RAB8A: variants seen among roughly 807,000 people sequenced by gnomAD.
RAB8A encodes the protein RAB8A, member RAS oncogene family, also known as ras-related protein Rab-8A.
A neutral mutation model predicts 29.2 loss-of-function variants in RAB8A; 5 were observed. The observed-to-expected ratio is 0.17, with a 90% CI of 0.09 to 0.36. The LOEUF (loss-of-function observed/expected upper bound fraction) is 0.36. Among genes scored for constraint, RAB8A ranks in the 10% least tolerant of loss-of-function variants. The probability of loss-of-function intolerance (pLI) is 1.00; values close to 1 mark genes in which losing one functional copy is unlikely to be tolerated. For synonymous variants in RAB8A, 108 were observed against 99.9 expected, an observed-to-expected ratio of 1.08 and a Z score of -0.49; for missense variants, 171 against 272.2, an observed-to-expected ratio of 0.63 and a Z score of 2.62.
At chr19:16,116,489 T>C (rs139774315) in intron 1 of RAB8A, among the ~76,000 whole-genome samples, 118 of 152,270 alleles carry the variant, frequency 7.7e-4, no homozygotes, top group African/African-American at 2.8e-3. Flanking sequence ...TCCACAACCA[T>C]CACCACAGGC....
chr19:16,111,985 C>T lies in RAB8A; in HGVS notation c.84C>T (p.Phe28=). 4 of 1,614,048 alleles carry T rather than the reference C, an allele frequency of 2.5e-6. No homozygotes were observed. The highest frequency in any genetic ancestry group is 3.4e-6 in the Non-Finnish European group (4 of 1,179,904). ...GGAAGACCTGTGTCCTGTTCCGCTT[C>T]TCCGAGGACGCCTTCAACTCCACTT... ...GVGKTCVLFR[F]SEDAFNSTFI... Residue 28 remains phenylalanine, a synonymous_variant, in exon 1 of 8, where the codon TTC becomes TTT. Coordinates refer to ENST00000300935, the MANE Select transcript of RAB8A (RefSeq NM_005370.5).
intron 2 of RAB8A, among the ~76,000 whole-genome samples, chr19:16,118,814 G>GA (rs2090859092): frequency 6.6e-6 from 1 of 152,216 alleles, no homozygotes; most frequent in South Asian, 2.1e-4. Flanking sequence ...CCCATGTTGA[G>GA]ACCTGTTTCC....
At chr19:16,120,065 G>A (rs1048285686) in intron 2 of RAB8A, among the ~76,000 whole-genome samples, 10 of 152,078 alleles carry the variant, frequency 6.6e-5, no homozygotes, top group Admixed American at 2.6e-4. Context: ...CACCCGCCTC[G>A]GCCTCCCAAA....
rs2090944383 is a variant in RAB8A, at chr19:16,134,223, G to C, written c.*1919G>C. The C allele has an allele frequency of 6.6e-6, 1 of 152,232 alleles. No homozygotes were observed. The allele number at this position is 152,232 out of a possible 1,614,324, so 9.4% of individuals were successfully genotyped here. On this transcript the variant is annotated 3_prime_UTR_variant, in exon 8 of 8. Transcript: ENST00000300935. The stretch of plus-strand genomic sequence containing the variant: ...CCATGCTTAACTCCCCCAACAATGA[G>C]TTGTAACAACAGGTGTGTAATGTGT...
chr19:16,116,277 A>G (rs1313136041), intron 1 of RAB8A, among the ~76,000 whole-genome samples: 1 of 152,208 alleles, frequency 6.6e-6, no homozygotes. Context: ...AGAGCAGGTC[A>G]TGAGCCAGAG....
intron 1 of RAB8A, 84 bp from the exon 2 acceptor site, chr19:16,118,142 C>T (rs571007613): frequency 1.7e-6 from 2 of 1,207,496 alleles, no homozygotes; most frequent in East Asian, 4.7e-5. Context: ...ACAGCTGTCA[C>T]CTGCACAGGT....
In RAB8A at chr19:16,132,105, GA is replaced by G. The variant is rs1431755997; in HGVS notation, c.532-106del. On this transcript the variant is annotated intron_variant, in intron 7 of 7. Coordinates refer to ENST00000300935, the MANE Select transcript of RAB8A (RefSeq NM_005370.5). This position sits in a 1 kb window ranked among gnomAD's most constrained non-coding sequence, Gnocchi z 5.6. ...GGTTGGTTGGTTGGTTGGTTGGTTG[GA>G]TGGTTGGATGGATGGTTAGGTGGAT... 23 of 880,072 alleles carry G rather than the reference GA, an allele frequency of 2.6e-5. No homozygotes were observed. The highest frequency in any genetic ancestry group is 4.0e-5 in the Non-Finnish European group (22 of 547,948). 54.5% of individuals were successfully genotyped at this position (880,072 alleles called of 1,614,324 possible).
rs761180426 is a variant in RAB8A, at chr19:16,111,961, G to A, written c.60G>A (p.Gly20=). 3 of 1,614,076 alleles carry A rather than the reference G, an allele frequency of 1.9e-6. No individual in the cohort carries two copies. Among genetic ancestry groups the A allele is most frequent in the Non-Finnish European group, 8.5e-7 (1 of 1,179,900 alleles). Residue 20 remains glycine (G), a synonymous_variant, in exon 1 of 8, where the codon GGG becomes GGA. Coordinates refer to ENST00000300935, the MANE Select transcript of RAB8A (RefSeq NM_005370.5). The part of the protein sequence containing the change: ...KLLLIGDSGV[G]KTCVLFRFSE... ...TGCTGATCGGGGACTCGGGGGTGGGGAAGACCTGTGTCCTGTTCCGCTTCT... is the reference window on the plus strand; with the variant it reads ...TGCTGATCGGGGACTCGGGGGTGGGAAAGACCTGTGTCCTGTTCCGCTTCT...
chr19:16,116,738 G>C (rs933408568), intron 1 of RAB8A, among the ~76,000 whole-genome samples: 1 of 152,130 alleles, frequency 6.6e-6, no homozygotes, highest in Non-Finnish European at 1.5e-5. Context: ...GGGAGGCTGT[G>C]GCAGGAGAAT....
intron 2 of RAB8A, among the ~76,000 whole-genome samples, 185 bp from the exon 3 acceptor site, chr19:16,121,565 C>G (rs1001617322): frequency 6.8e-6 from 1 of 147,028 alleles, no homozygotes; most frequent in African/African-American, 2.5e-5. Flanking sequence ...TCAAATGACC[C>G]CTCCAGGCCA....
intron 1 of RAB8A, among the ~76,000 whole-genome samples, chr19:16,114,047 A>G (rs1477356958): frequency 2.6e-5 from 4 of 152,124 alleles, no homozygotes; most frequent in Non-Finnish European, 5.9e-5. Context: ...TTGTGCTCCA[A>G]CCAATCAAGA....
chr19:16,121,821 T>C lies in RAB8A; in HGVS notation c.246+11T>C, dbSNP rs192324124. 1 of 1,611,090 alleles carries C rather than the reference T, an allele frequency of 6.2e-7. No individual in the cohort carries two copies. Among genetic ancestry groups the C allele is most frequent in the African/African-American group, 1.3e-5 (1 of 74,950 alleles). On this transcript the variant is annotated intron_variant, in intron 3 of 7. Transcript: ENST00000300935. ...TACAGGGGTGCAATGGTAGGGACTT[T>C]TTGTTTGGTTGTTTTTATCTGCTTT...
chr19:16,112,441 T>C (rs2090828718), intron 1 of RAB8A: 1 of 198,156 alleles, frequency 5.0e-6, no homozygotes, highest in African/African-American at 2.4e-5. Flanking sequence ...GAGCATTTAC[T>C]ATGTGCCAAG....
chr19:16,115,408 C>T (rs1352112470), intron 1 of RAB8A, among the ~76,000 whole-genome samples: 1 of 152,180 alleles, frequency 6.6e-6, no homozygotes, highest in African/African-American at 2.4e-5. Context: ...CCAAAAGTTA[C>T]ATTTCATCAA....
chr19:16,127,345 C>T lies in RAB8A; in HGVS notation c.325-92C>T, dbSNP rs983479833. 1 of 818,988 alleles carries T rather than the reference C, an allele frequency of 1.2e-6. No homozygotes were observed. Among genetic ancestry groups the T allele is most frequent in the Non-Finnish European group, 1.8e-6 (1 of 567,972 alleles). 50.7% of individuals were successfully genotyped at this position (818,988 alleles called of 1,614,324 possible). ...CTGTACCTAGCAGTCCTGACCCCACCGCTCTGATTTCTGGGGACAGACTGT... is the reference window on the plus strand; with the variant it reads ...CTGTACCTAGCAGTCCTGACCCCACTGCTCTGATTTCTGGGGACAGACTGT... On this transcript the variant is annotated intron_variant, in intron 4 of 7. Transcript: ENST00000300935. The surrounding 1 kb of genome is among the most constrained non-coding windows in gnomAD (Gnocchi z 4.8).
At chr19:16,113,965 C>CTGTCCTCTGAAGA (rs2090834979) in intron 1 of RAB8A, among the ~76,000 whole-genome samples, 1 of 152,154 alleles carries the variant, frequency 6.6e-6, no homozygotes, top group African/African-American at 2.4e-5. Flanking sequence ...GTGACAGCAT[C>CTGTCCTCTGAAGA]CAGCCTCTGA....
At position 16,132,495 on chromosome 19, in the gene RAB8A, G is replaced by A. The variant is rs2090930430; in HGVS notation, c.*191G>A. 1 of 601,936 alleles carries A rather than the reference G, an allele frequency of 1.7e-6. No individual in the cohort carries two copies. 37.3% of individuals were successfully genotyped at this position (601,936 alleles called of 1,614,324 possible). A position where few individuals can be genotyped will look rare whatever the true frequency, so the allele number is the denominator to read the frequency against. ...CTGTCTGATCTTTTTCAACTTTGGA[G>A]ATGGAATAAGTTAAAAATTTGCTAT... On this transcript the variant is annotated 3_prime_UTR_variant, in exon 8 of 8. Transcript: ENST00000300935. The surrounding 1 kb of genome is among the most constrained non-coding windows in gnomAD (Gnocchi z 5.6).
In RAB8A at chr19:16,127,371, G is replaced by A; in HGVS notation, c.325-66G>A. 1 of 1,074,496 alleles carries A rather than the reference G, an allele frequency of 9.3e-7. No homozygotes were observed. The highest frequency in any genetic ancestry group is 1.3e-6 in the Non-Finnish European group (1 of 787,084). The allele number at this position is 1,074,496 out of a possible 1,614,324, so 66.6% of individuals were successfully genotyped here. The stretch of plus-strand genomic sequence containing the variant: ...GCTCTGATTTCTGGGGACAGACTGT[G>A]TGTTGGCAGAGGCACCTGGCCTGTG... On this transcript the variant is annotated intron_variant, in intron 4 of 7. Transcript: ENST00000300935. This position sits in a 1 kb window ranked among gnomAD's most constrained non-coding sequence, Gnocchi z 4.8.
At chr19:16,120,036 C>A (rs2090867015) in intron 2 of RAB8A, among the ~76,000 whole-genome samples, 1 of 152,120 alleles carries the variant, frequency 6.6e-6, no homozygotes, top group African/African-American at 2.4e-5. Flanking sequence ...TGGCTTCGAA[C>A]CCCTGAATTC....
Sources: allele counts gnomAD v4.1 joint callset (sites outside exome capture counted in the v4.1 genomes callset), GRCh38; gene constraint gnomAD v4.1.1; non-coding constraint Gnocchi (gnomAD v3.1); transcripts MANE v1.5; gene names NCBI Gene and HGNC (gene_info 2026-07-23, HGNC 2026-07-21).